ENPP6: variants seen among roughly 807,000 people sequenced by gnomAD.
The protein encoded by ENPP6 is ectonucleotide pyrophosphatase/phosphodiesterase 6.
A neutral mutation model predicts 42.0 loss-of-function variants in ENPP6; 32 were observed. The observed-to-expected ratio is 0.76, with a 90% confidence interval of 0.58 to 1.02. The LOEUF (loss-of-function observed/expected upper bound fraction) is 1.02, where lower values mean the gene tolerates loss of function less well. ENPP6 is among the 50% of genes least tolerant of loss of function. The probability of loss-of-function intolerance (pLI) is 0.00; values close to 1 mark genes in which losing one functional copy is unlikely to be tolerated. For missense variants in ENPP6, 552 were observed against 566.8 expected (o/e 0.97, Z 0.27); for synonymous variants, 213 against 216.0 (o/e 0.99, Z 0.12).
chr4:184,216,341 G>T (rs1733195154), intron 1 of ENPP6, among the ~76,000 whole-genome samples: 1 of 152,144 alleles, frequency 6.6e-6, no homozygotes, highest in African/African-American at 2.4e-5. Context: ...TAACTTCCTT[G>T]CTTGTGTGCA....
intron 7 of ENPP6, among the ~76,000 whole-genome samples, chr4:184,094,137 G>C (rs547792826): frequency 2.0e-5 from 3 of 152,232 alleles, no homozygotes; most frequent in African/African-American, 7.2e-5. Context: ...AAATTAGCTA[G>C]GTGCGGTGGT....
intron 1 of ENPP6, among the ~76,000 whole-genome samples, chr4:184,200,718 A>G (rs1732881227): frequency 6.6e-6 from 1 of 152,182 alleles, no homozygotes; most frequent in South Asian, 2.1e-4. Context: ...TGCCCTGTGC[A>G]GATAATCGGC....
intron 3 of ENPP6, among the ~76,000 whole-genome samples, chr4:184,119,245 T>C (rs930447263): frequency 1.3e-5 from 2 of 152,144 alleles, no homozygotes; most frequent in Admixed American, 1.3e-4. Context: ...GATTATCCTC[T>C]ATATTATTAA....
intron 1 of ENPP6, among the ~76,000 whole-genome samples, chr4:184,188,298 C>T (rs770537423): frequency 3.9e-5 from 6 of 152,090 alleles, no homozygotes; most frequent in Non-Finnish European, 7.4e-5. Flanking sequence ...CGGAGGTTGG[C>T]GTCTGTGGGG....
intron 2 of ENPP6, among the ~76,000 whole-genome samples, chr4:184,134,235 T>C (rs905010052): frequency 6.6e-6 from 1 of 152,062 alleles, no homozygotes; most frequent in East Asian, 1.9e-4. Context: ...TGCCTCAGCC[T>C]CCCAAGTAGC....
At chr4:184,145,448 C>G (rs550883534) in intron 2 of ENPP6, among the ~76,000 whole-genome samples, 1 of 152,308 alleles carries the variant, frequency 6.6e-6, no homozygotes, top group South Asian at 2.1e-4. Context: ...AAGAAGTGGT[C>G]ACAACACAGC....
intron 1 of ENPP6, among the ~76,000 whole-genome samples, chr4:184,166,008 T>C (rs1255283427): frequency 6.6e-6 from 1 of 152,214 alleles, no homozygotes; most frequent in Non-Finnish European, 1.5e-5. Context: ...CCAAGAGACT[T>C]GAAAGAATTA....
intron 1 of ENPP6, among the ~76,000 whole-genome samples, chr4:184,180,420 T>C (rs979546171): frequency 5.3e-5 from 8 of 152,162 alleles, no homozygotes; most frequent in African/African-American, 1.7e-4. Context: ...AGTTGAATTC[T>C]ACCAGAGGAA....
intron 1 of ENPP6, among the ~76,000 whole-genome samples, chr4:184,187,901 A>G (rs1732658106): frequency 6.6e-6 from 1 of 152,228 alleles, no homozygotes; most frequent in South Asian, 2.1e-4. Flanking sequence ...GCAAGCTCTG[A>G]AAATATTTTG....
At chr4:184,173,926 T>C (rs1211414422) in intron 1 of ENPP6, among the ~76,000 whole-genome samples, 1 of 152,034 alleles carries the variant, frequency 6.6e-6, no homozygotes, top group African/African-American at 2.4e-5. Context: ...GGGAGATCCA[T>C]CCCGGGGGGA....
chr4:184,091,391 G>C lies in ENPP6; in HGVS notation c.1118-9C>G, dbSNP rs1022919018. On this transcript the variant is annotated splice_polypyrimidine_tract_variant and intron_variant, in intron 7 of 7. Coordinates refer to ENST00000296741, the MANE Select transcript of ENPP6 (RefSeq NM_153343.4). ...GAAGTTGGATTTGAAATCTGAAAGG[G>C]AAAGGCAAACAAACAAGTTGTCATG... The C allele has an allele frequency of 5.0e-6, 8 of 1,595,092 alleles. 1 individual carries two copies. Among genetic ancestry groups the C allele is most frequent in the East Asian group, 4.5e-5 (2 of 44,532 alleles).
chr4:184,113,658 C>T (rs1253873789), intron 5 of ENPP6, among the ~76,000 whole-genome samples: 1 of 152,200 alleles, frequency 6.6e-6, no homozygotes, highest in Non-Finnish European at 1.5e-5. Flanking sequence ...AGGATTTGTT[C>T]TTCAACTTGA....
chr4:184,197,542 TG>T (rs1388508335), intron 1 of ENPP6, among the ~76,000 whole-genome samples: 21 of 152,168 alleles, frequency 1.4e-4, no homozygotes, highest in Admixed American at 1.4e-3. Context: ...AACCTGCACT[TG>T]GTGTGGTTTT....
chr4:184,127,557 A>T (rs542195527), intron 2 of ENPP6, among the ~76,000 whole-genome samples: 1 of 152,340 alleles, frequency 6.6e-6, no homozygotes, highest in South Asian at 2.1e-4. Flanking sequence ...CAGGAGCTTG[A>T]GACTGGCCTG....
intron 1 of ENPP6, among the ~76,000 whole-genome samples, chr4:184,186,629 C>G (rs539416998): frequency 5.3e-5 from 8 of 152,092 alleles, no homozygotes; most frequent in Admixed American, 1.3e-4. Context: ...CAGGAATGGT[C>G]AAAAGGTTAA....
intron 6 of ENPP6, among the ~76,000 whole-genome samples, chr4:184,102,437 G>C (rs1337854758): frequency 6.6e-6 from 1 of 152,208 alleles, no homozygotes; most frequent in Non-Finnish European, 1.5e-5. Flanking sequence ...TTTTCATGAT[G>C]CATTTTTGGA....
chr4:184,126,594 C>T (rs1372609318), intron 2 of ENPP6, among the ~76,000 whole-genome samples: 2 of 152,178 alleles, frequency 1.3e-5, no homozygotes, highest in African/African-American at 2.4e-5. Context: ...TAAGGACATA[C>T]ATCAGAGTGG....
intron 1 of ENPP6, among the ~76,000 whole-genome samples, chr4:184,158,610 G>A (rs994675246): frequency 6.6e-6 from 1 of 152,186 alleles, no homozygotes; most frequent in Non-Finnish European, 1.5e-5. Flanking sequence ...AGAATGCTTT[G>A]AATAGTGCTT....
chr4:184,177,270 G>A (rs1290091316), intron 1 of ENPP6, among the ~76,000 whole-genome samples: 1 of 152,164 alleles, frequency 6.6e-6, no homozygotes, highest in African/African-American at 2.4e-5. Context: ...ACCTCTTTAG[G>A]CCAAACTTGG....
Sources: allele counts gnomAD v4.1 joint callset (sites outside exome capture counted in the v4.1 genomes callset), GRCh38; gene constraint gnomAD v4.1.1; transcripts MANE v1.5; gene names NCBI Gene and HGNC (gene_info 2026-07-23, HGNC 2026-07-21).